The following VWA8 variants were observed in gnomAD, a reference collection of about 807,000 sequenced individuals.
VWA8 encodes von Willebrand factor A domain-containing protein 8.
VWA8 carries 221 observed loss-of-function variants against 241.5 expected under a neutral mutation model. The ratio of observed to expected loss-of-function variants is 0.91; its 90% CI spans 0.82 to 1.02. The LOEUF is 1.02. Among genes scored for constraint, VWA8 ranks in the 50% least tolerant of loss-of-function variants. The pLI is 0.00. For missense variants in VWA8, 2,322 were observed against 2,328.7 expected (o/e 1.00, Z 0.06); for synonymous variants, 852 against 827.1 (o/e 1.03, Z -0.52).
intron 21 of VWA8, among the ~76,000 whole-genome samples, chr13:41,753,217 A>C (rs1340992101): frequency 1.3e-5 from 2 of 152,176 alleles, no homozygotes; most frequent in Non-Finnish European, 2.9e-5. Context: ...AAACACCACT[A>C]TTAGAAAAAT....
intron 2 of VWA8, 132 bp from the exon 3 acceptor site, chr13:41,912,300 C>T: frequency 1.5e-6 from 1 of 649,910 alleles, no homozygotes; most frequent in East Asian, 3.9e-5. Flanking sequence ...TATTTATAAA[C>T]ATATGTATAT....
intron 23 of VWA8, 21 bp from the exon 24 acceptor site, chr13:41,727,334 ATTCT>A: frequency 1.5e-6 from 2 of 1,366,970 alleles, no homozygotes; most frequent in African/African-American, 1.5e-5. Context: ...AAATTTGTTT[ATTCT>A]TTATCAATAT....
chr13:41,779,040 A>G (rs1868767237), intron 19 of VWA8, among the ~76,000 whole-genome samples: 1 of 150,370 alleles, frequency 6.7e-6, no homozygotes, highest in African/African-American at 2.4e-5. Flanking sequence ...ACAGGGTTTC[A>G]CCGTGTTAGC....
rs2045269922 is a variant in VWA8 at position 41,704,436 on chromosome 13, C to T, written c.3117-1025G>A. 4.0e-5 allele frequency among the ~76,000 whole-genome samples: 6 copies of T among 150,116 alleles called. No individual in the cohort carries two copies. In the South Asian group the frequency reaches 1.3e-3, roughly 32 times the overall value. On this transcript the variant is annotated intron_variant, in intron 26 of 44. Transcript: ENST00000379310. ...AACATGGCAATACTAAAGTATAAAACAGCAGATAATTTTTTTTAAGTCTTC... is the reference window on the plus strand; with the variant it reads ...AACATGGCAATACTAAAGTATAAAATAGCAGATAATTTTTTTTAAGTCTTC...
chr13:41,575,688 T>C, intron 43 of VWA8, 52 bp downstream of exon 43: 1 of 1,374,080 alleles, frequency 7.3e-7, no homozygotes, highest in South Asian at 1.3e-5. Flanking sequence ...TTTTAGTCTT[T>C]ACCTAACCTG....
In VWA8 at chr13:41,794,131, GT is replaced by G. The variant is rs1450696069; in HGVS notation, c.2064-6589del. Among the ~76,000 whole-genome samples the G allele has an allele frequency of 1.2e-4, 18 of 151,632 alleles. No homozygotes were observed. The East Asian group carries it at 3.1e-3, about 26-fold the overall frequency. On this transcript the variant is annotated intron_variant, in intron 17 of 44. Coordinates refer to ENST00000379310, the MANE Select transcript of VWA8 (RefSeq NM_015058.2). Reference sequence around the variant, plus strand: ...TCTTGGCTATACAGGCTCTTTTTTAGTTTTTTATGAATTTTAACATAGTTTT... The same window carrying G: ...TCTTGGCTATACAGGCTCTTTTTTAGTTTTTATGAATTTTAACATAGTTTT...
Position 41,587,673 on chromosome 13 carries a change from G to A in VWA8, c.5113-3C>T. 6.2e-7 allele frequency: 1 copy of A among 1,613,992 alleles called. No homozygotes were observed. The highest frequency in any genetic ancestry group is 1.1e-5 in the South Asian group (1 of 91,042). On this transcript the variant is annotated splice_polypyrimidine_tract_variant and splice_region_variant and intron_variant, in intron 41 of 44. Transcript: ENST00000379310. ...GGTTTCTGTTGTGGGCTGCCAAGCTGAGGGAAGGAATAACAGAAAAGCCGT... is the reference window on the plus strand; with the variant it reads ...GGTTTCTGTTGTGGGCTGCCAAGCTAAGGGAAGGAATAACAGAAAAGCCGT...
intron 13 of VWA8, 121 bp downstream of exon 13, chr13:41,833,250 A>AT (rs1469878883): frequency 2.5e-6 from 3 of 1,179,270 alleles, no homozygotes; most frequent in Non-Finnish European, 3.3e-6. Flanking sequence ...TAGAATCATG[A>AT]TTTTTCAGGA....
chr13:41,762,452 G>A (rs1485067632), intron 20 of VWA8, among the ~76,000 whole-genome samples: 3 of 152,074 alleles, frequency 2.0e-5, no homozygotes, highest in Non-Finnish European at 4.4e-5. Flanking sequence ...GTGAAACCAG[G>A]ACTCACATCC....
At chr13:41,946,511 T>C (rs979802098) in intron 2 of VWA8, among the ~76,000 whole-genome samples, 17 of 152,296 alleles carry the variant, frequency 1.1e-4, no homozygotes, top group Admixed American at 9.2e-4. Context: ...ATGACAATAA[T>C]AGCACTGAGG....
At chr13:41,675,346 C>T (rs1354514123) in intron 35 of VWA8, 50 bp from the exon 36 acceptor site, 2 of 1,362,664 alleles carry the variant, frequency 1.5e-6, no homozygotes, top group African/African-American at 1.4e-5. Context: ...TGCAAGATAC[C>T]AAAATGGTGC....
chr13:41,850,361 G>T (rs1405708722), intron 12 of VWA8, among the ~76,000 whole-genome samples: 3 of 152,116 alleles, frequency 2.0e-5, no homozygotes, highest in Admixed American at 1.3e-4. Context: ...CAGTCACCAG[G>T]CCCAGCCCAG....
intron 37 of VWA8, among the ~76,000 whole-genome samples, chr13:41,656,874 A>G (rs972985757): frequency 2.1e-4 from 32 of 152,174 alleles, no homozygotes; most frequent in African/African-American, 7.5e-4. Context: ...TAAAAATCAC[A>G]TGGTCATGCG....
chr13:41,898,506 A>C lies in VWA8; in HGVS notation c.484-6919T>G, dbSNP rs894953953. Among the ~76,000 whole-genome samples, 4 of 152,370 alleles carry C rather than the reference A, an allele frequency of 2.6e-5. No individual in the cohort carries two copies. In the East Asian group the frequency reaches 5.8e-4, roughly 22 times the overall value. On this transcript the variant is annotated intron_variant, in intron 4 of 44. Transcript: ENST00000379310. ...ACATCCCCACCAGACTCAGGAGCCC[A>C]GCTGGCTTCACCCAGTGGATCCCGC...
Position 41,787,503 on chromosome 13 carries a change from G to T in VWA8, c.2104C>A (p.Leu702Met). 6.2e-7 allele frequency: 1 copy of T among 1,612,460 alleles called. No individual in the cohort carries two copies. Among genetic ancestry groups the T allele is most frequent in the Non-Finnish European group, 8.5e-7 (1 of 1,179,260 alleles). Residue 702 changes from leucine to methionine, a missense_variant, in exon 18 of 45, where the codon CTG becomes ATG. Leu to Met is a conservative substitution (Grantham distance 15, BLOSUM62 2). Coordinates refer to ENST00000379310, the MANE Select transcript of VWA8 (RefSeq NM_015058.2). ...SLARSALEKN[L>M]ADATIEINTD... is the part of the protein sequence containing the mutation. The stretch of plus-strand genomic sequence containing the variant: ...TTTATTTCTATTGTAGCATCTGCCA[G>T]ATTTTTTTCTAATGCTGACCTAGCA...
intron 2 of VWA8, chr13:41,926,137 T>G (rs145060218): frequency 1.7e-6 from 1 of 589,674 alleles, no homozygotes; most frequent in Non-Finnish European, 3.1e-6. Flanking sequence ...GGAGACATAA[T>G]TGGAGTTCAG....
chr13:41,746,547 G>A (rs1031226078), intron 21 of VWA8, among the ~76,000 whole-genome samples: 7 of 152,170 alleles, frequency 4.6e-5, no homozygotes, highest in African/African-American at 1.4e-4. Flanking sequence ...AGCTGGGGAG[G>A]AACATCATCT....
At chr13:41,630,676 A>G (rs748995004) in intron 37 of VWA8, among the ~76,000 whole-genome samples, 5 of 152,096 alleles carry the variant, frequency 3.3e-5, no homozygotes, top group Non-Finnish European at 7.3e-5. Flanking sequence ...TCGTGCAACA[A>G]AAACACCCAG....
At chr13:41,717,569 T>C (rs921361720) in intron 26 of VWA8, among the ~76,000 whole-genome samples, 2 of 151,930 alleles carry the variant, frequency 1.3e-5, no homozygotes, top group Non-Finnish European at 2.9e-5. Flanking sequence ...TCTCTCTAAG[T>C]ACAAGGCTGA....
Sources: allele counts gnomAD v4.1 joint callset (sites outside exome capture counted in the v4.1 genomes callset), GRCh38; gene constraint gnomAD v4.1.1; transcripts MANE v1.5; gene names NCBI Gene and HGNC (gene_info 2026-07-23, HGNC 2026-07-21).